Variants in DSCAML1 observed in about 807,000 individuals in gnomAD.
DSCAML1 encodes the protein cell adhesion molecule DSCAML1.
DSCAML1 carries 38 observed loss-of-function variants against 200.5 expected under a neutral mutation model. That is an observed-to-expected ratio of 0.19 (90% confidence interval 0.15 to 0.25). The LOEUF (loss-of-function observed/expected upper bound fraction) is 0.25, where lower values mean the gene tolerates loss of function less well. Ranked by LOEUF, DSCAML1 falls within the 10% of genes least tolerant of loss-of-function variation. The probability of loss-of-function intolerance (pLI) is 1.00; values close to 1 mark genes in which losing one functional copy is unlikely to be tolerated. For synonymous variants in DSCAML1, 1,215 were observed against 1,165.0 expected, an observed-to-expected ratio of 1.04 and a Z score of -0.87; for missense variants, 2,223 against 2,858.8, an observed-to-expected ratio of 0.78 and a Z score of 5.07.
chr11:117,667,017 A>T (rs967316919), intron 3 of DSCAML1, among the ~76,000 whole-genome samples: 2 of 152,210 alleles, frequency 1.3e-5, no homozygotes, highest in Admixed American at 6.5e-5. Flanking sequence ...TGGTTCATCC[A>T]GGAGTCTGGA....
At chr11:117,754,606 T>C (rs923209588) in intron 3 of DSCAML1, among the ~76,000 whole-genome samples, 1 of 152,110 alleles carries the variant, frequency 6.6e-6, no homozygotes, top group Non-Finnish European at 1.5e-5. Context: ...AAGCAAGGAT[T>C]TGAAAGCTAA....
chr11:117,744,740 C>T (rs1226662783), intron 3 of DSCAML1, among the ~76,000 whole-genome samples: 1 of 152,250 alleles, frequency 6.6e-6, no homozygotes, highest in Non-Finnish European at 1.5e-5. Context: ...AGGAAGGGGA[C>T]TCTCCATCCA....
chr11:117,475,588 C>T (rs1380438644), intron 14 of DSCAML1, among the ~76,000 whole-genome samples: 2 of 152,224 alleles, frequency 1.3e-5, no homozygotes, highest in Admixed American at 6.5e-5. Context: ...AACCTTTGGT[C>T]CTCTCCCCAG....
In DSCAML1 at chr11:117,489,152, C is replaced by T. The variant is rs2049139380; in HGVS notation, c.2360-6990G>A. Among the ~76,000 whole-genome samples, 2 of 152,244 alleles carry T rather than the reference C, an allele frequency of 1.3e-5. No individual in the cohort carries two copies. Among genetic ancestry groups the T allele is most frequent in the Non-Finnish European group, 2.9e-5 (2 of 68,046 alleles). On this transcript the variant is annotated intron_variant, in intron 11 of 32. Transcript: ENST00000651296. This position sits in a 1 kb window ranked among gnomAD's most constrained non-coding sequence, Gnocchi z 4.8. ...TCTGTTTGTCTGCCACCCTTGCATACAGTCCCTGGCTTTTGGAAATGGAAT... is the reference window on the plus strand; with the variant it reads ...TCTGTTTGTCTGCCACCCTTGCATATAGTCCCTGGCTTTTGGAAATGGAAT...
In DSCAML1 at chr11:117,581,079, C is replaced by T. The variant is rs1003820608; in HGVS notation, c.512-48557G>A. On this transcript the variant is annotated intron_variant, in intron 3 of 32. Coordinates refer to ENST00000651296, the MANE Select transcript of DSCAML1 (RefSeq NM_020693.4). ...ACAAATGTCATAGGCTGGAAGGGAC[C>T]GCTGCAGGTCACTGAGCCGAAGCCT... Among the ~76,000 whole-genome samples the T allele has an allele frequency of 5.3e-5, 8 of 152,306 alleles. 1 individual carries two copies. The highest frequency in any genetic ancestry group is 3.9e-4 in the East Asian group (2 of 5,184).
At position 117,780,209 on chromosome 11, in the gene DSCAML1, GA is replaced by G. The variant is rs1591502776; in HGVS notation, c.364+283del. ...AAAGAAAGAAAGAAAGAGAAAGAAA[GA>G]GAGAGAGAGAAAGAAAGAAAGGAAA... On this transcript the variant is annotated intron_variant, in intron 2 of 32. Transcript: ENST00000651296. This position sits in a 1 kb window ranked among gnomAD's most constrained non-coding sequence, Gnocchi z 4.8. Among the ~76,000 whole-genome samples the G allele has an allele frequency of 3.7e-5, 2 of 54,674 alleles. No homozygotes were observed. Among genetic ancestry groups the G allele is most frequent in the East Asian group, 8.9e-4 (2 of 2,238 alleles). The allele number at this position is 54,674 out of a possible 152,430, so 35.9% of individuals were successfully genotyped here. A position where few individuals can be genotyped will look rare whatever the true frequency, so the allele number is the denominator to read the frequency against.
At chr11:117,506,285 G>A (rs970873940) in intron 8 of DSCAML1, among the ~76,000 whole-genome samples, 13 of 152,180 alleles carry the variant, frequency 8.5e-5, no homozygotes, top group South Asian at 2.1e-4. Flanking sequence ...CAGGACAGGC[G>A]AGTGGAAGCT....
chr11:117,698,791 C>A (rs1193690004), intron 3 of DSCAML1, among the ~76,000 whole-genome samples: 1 of 152,108 alleles, frequency 6.6e-6, no homozygotes, highest in Non-Finnish European at 1.5e-5. Flanking sequence ...TTTTTAGAAA[C>A]CCTGACCCTC....
intron 3 of DSCAML1, among the ~76,000 whole-genome samples, chr11:117,589,391 T>C (rs1187613227): frequency 6.6e-6 from 1 of 152,186 alleles, no homozygotes; most frequent in Non-Finnish European, 1.5e-5. Context: ...AAACACACTC[T>C]GCAGGCGGAA....
intron 8 of DSCAML1, among the ~76,000 whole-genome samples, chr11:117,515,225 AAG>A (rs1352787755): frequency 6.6e-6 from 1 of 152,110 alleles, no homozygotes; most frequent in Non-Finnish European, 1.5e-5. Context: ...GCTCTTCACG[AAG>A]AGACATAAGC....
chr11:117,494,231 C>G (rs926585973), intron 11 of DSCAML1, among the ~76,000 whole-genome samples: 1 of 152,194 alleles, frequency 6.6e-6, no homozygotes, highest in Non-Finnish European at 1.5e-5. Context: ...TGTAAAGGGC[C>G]TGAAGTAAAT....
chr11:117,801,523 TA>T (rs1377798336), upstream of DSCAML1: 1 of 152,216 alleles, frequency 6.6e-6, no homozygotes, highest in African/African-American at 2.4e-5. Flanking sequence ...CACATACATC[TA>T]AAATACCATC....
At chr11:117,527,387 G>A (rs2049995546) in intron 4 of DSCAML1, among the ~76,000 whole-genome samples, 1 of 152,126 alleles carries the variant, frequency 6.6e-6, no homozygotes, top group East Asian at 1.9e-4. Context: ...CTGGAAGACC[G>A]AGCTCCTCAA....
chr11:117,635,285 T>C (rs2052256607), intron 3 of DSCAML1, among the ~76,000 whole-genome samples: 1 of 152,168 alleles, frequency 6.6e-6, no homozygotes. Context: ...ACTCGCCCAT[T>C]CTTTCCAGGC....
intron 11 of DSCAML1, among the ~76,000 whole-genome samples, chr11:117,492,909 C>G (rs1360010787): frequency 1.3e-5 from 2 of 152,338 alleles, no homozygotes; most frequent in South Asian, 4.1e-4. Context: ...CTTCTTGTCT[C>G]TCCTGATTAG....
At chr11:117,654,844 C>T (rs937266906) in intron 3 of DSCAML1, among the ~76,000 whole-genome samples, 1 of 151,950 alleles carries the variant, frequency 6.6e-6, no homozygotes, top group Non-Finnish European at 1.5e-5. Context: ...GAGGAAACGG[C>T]GGGTAGGAAC....
intron 29 of DSCAML1, among the ~76,000 whole-genome samples, chr11:117,432,769 G>C (rs989698456): frequency 3.0e-5 from 4 of 135,470 alleles, no homozygotes; most frequent in Admixed American, 2.2e-4. Flanking sequence ...TGTCATGCCT[G>C]GCTATTTTTT....
chr11:117,805,576 G>A (rs765627813), intron 1 of DSCAML1, among the ~76,000 whole-genome samples: 13 of 152,020 alleles, frequency 8.6e-5, no homozygotes, highest in African/African-American at 1.7e-4. Context: ...GCTTTAACAC[G>A]CTGGTGGGCA....
intron 3 of DSCAML1, among the ~76,000 whole-genome samples, chr11:117,679,499 G>A (rs542789140): frequency 2.0e-4 from 30 of 152,316 alleles, no homozygotes; most frequent in Non-Finnish European, 3.4e-4. Flanking sequence ...CCCTTGGTGA[G>A]CAGTAATTTC....
Sources: gnomAD v4.1 joint callset for allele counts (sites outside exome capture counted in the v4.1 genomes callset) on GRCh38, gnomAD v4.1.1 for gene constraint, Gnocchi (gnomAD v3.1) non-coding constraint, MANE v1.5 for transcripts, NCBI Gene and HGNC (gene_info 2026-07-23, HGNC 2026-07-21) for gene names.